NRG3: variants seen among roughly 807,000 people sequenced by gnomAD.
NRG3 encodes the protein neuregulin 3.
In NRG3, 31 loss-of-function variants were observed where a neutral mutation model predicts 66.9. The observed-to-expected ratio is 0.46, with a 90% CI of 0.35 to 0.63. The LOEUF (loss-of-function observed/expected upper bound fraction) is 0.63. Ranked by LOEUF, NRG3 falls within the 20% of genes least tolerant of loss-of-function variation. NRG3 has a pLI of 0.00. For missense variants in NRG3, 910 were observed against 878.9 expected (o/e 1.04, Z -0.45); for synonymous variants, 393 against 359.4 (o/e 1.09, Z -1.06).
chr10:82,435,346 A>G lies in NRG3; in HGVS notation c.953+76478A>G, dbSNP rs181228213. Among the ~76,000 whole-genome samples, 8 of 151,734 alleles carry G rather than the reference A, an allele frequency of 5.3e-5. No homozygotes were observed. The East Asian group carries it at 1.6e-3, about 30-fold the overall frequency. On this transcript the variant is annotated intron_variant, in intron 2 of 8. Transcript: ENST00000372141. ...TGATGCTTCTCTCTTCTTCTTCTTTATTAGTCTAGCTGGCAGTCCATCCAT... is the reference window on the plus strand; with the variant it reads ...TGATGCTTCTCTCTTCTTCTTCTTTGTTAGTCTAGCTGGCAGTCCATCCAT...
At chr10:82,616,037 C>A (rs919992778) in intron 2 of NRG3, among the ~76,000 whole-genome samples, 1 of 152,164 alleles carries the variant, frequency 6.6e-6, no homozygotes, top group East Asian at 1.9e-4. Flanking sequence ...CACACACAGA[C>A]AAACAAAACA....
At chr10:82,136,612 C>G (rs1319998749) in intron 1 of NRG3, among the ~76,000 whole-genome samples, 1 of 152,122 alleles carries the variant, frequency 6.6e-6, no homozygotes, top group Non-Finnish European at 1.5e-5. Flanking sequence ...CCATAGTTAT[C>G]AATGTTCTGG....
At chr10:81,948,358 G>GA (rs551770258) in intron 1 of NRG3, among the ~76,000 whole-genome samples, 5 of 151,922 alleles carry the variant, frequency 3.3e-5, no homozygotes, top group Admixed American at 6.6e-5. Context: ...TTAGATTCCA[G>GA]AAAAAAATGC....
intron 2 of NRG3, among the ~76,000 whole-genome samples, chr10:82,388,463 G>A (rs2086150140): frequency 6.6e-6 from 1 of 152,140 alleles, no homozygotes; most frequent in East Asian, 1.9e-4. Context: ...ATGTGAGACA[G>A]GTAATTTGCT....
intron 5 of NRG3, 121 bp downstream of exon 5, chr10:82,951,692 C>T (rs777221479): frequency 7.0e-5 from 53 of 754,410 alleles, no homozygotes; most frequent in Non-Finnish European, 1.1e-4. Context: ...TAGCAACAAT[C>T]TGCAAGTGAC....
At chr10:81,915,899 C>T (rs1429357866) in intron 1 of NRG3, among the ~76,000 whole-genome samples, 1 of 151,862 alleles carries the variant, frequency 6.6e-6, no homozygotes, top group Non-Finnish European at 1.5e-5. Context: ...GGTACAGGCC[C>T]GTCTCTTGGT....
At chr10:82,409,895 C>T (rs2087923775) in intron 2 of NRG3, among the ~76,000 whole-genome samples, 1 of 152,246 alleles carries the variant, frequency 6.6e-6, no homozygotes, top group African/African-American at 2.4e-5. Context: ...GCCAAAGCAT[C>T]TACATGTGGC....
At chr10:82,658,519 G>T (rs1272494684) in intron 2 of NRG3, among the ~76,000 whole-genome samples, 2 of 151,256 alleles carry the variant, frequency 1.3e-5, no homozygotes, top group African/African-American at 4.9e-5. Flanking sequence ...CTTCTATTCA[G>T]AATTGTGAAT....
rs780957321 is a variant in NRG3, at chr10:82,358,795, G to A, written c.880G>A (p.Asp294Asn). ...GCACTTCAAACCCTGCCGAGACAAG[G>A]ACCTTGCATACTGTCTCAATGATGG... The part of the protein sequence containing the change: ...SEHFKPCRDK[D>N]LAYCLNDGEC... The change falls in exon 2 of 9, where the codon GAC (aspartate) becomes AAC (asparagine). Residue 294 changes from aspartate to asparagine, a missense_variant. Coordinates refer to ENST00000372141, the MANE Select transcript of NRG3 (RefSeq NM_001010848.4). 3 of 1,614,160 alleles carry A rather than the reference G, an allele frequency of 1.9e-6. No homozygotes were observed. The highest frequency in any genetic ancestry group is 2.5e-6 in the Non-Finnish European group (3 of 1,180,028).
chr10:82,199,873 CATGTGTGTGTGTGTGCGTGTGTGTGTGT>C (rs1243167589), intron 1 of NRG3, among the ~76,000 whole-genome samples: 1 of 109,464 alleles, frequency 9.1e-6, no homozygotes, highest in Non-Finnish European at 1.9e-5. Context: ...TGAGAGTGTG[CATGTGTGTGTGTGTGCGTGTGTGTGTGT>C]GTGTGTGTGT....
intron 2 of NRG3, among the ~76,000 whole-genome samples, chr10:82,486,184 T>A (rs867971163): frequency 3.3e-5 from 5 of 152,110 alleles, no homozygotes; most frequent in African/African-American, 1.2e-4. Context: ...TGTGGAGAAA[T>A]TGGAACCCTT....
chr10:82,819,489 C>T (rs562123435), intron 3 of NRG3, among the ~76,000 whole-genome samples: 12 of 152,260 alleles, frequency 7.9e-5, no homozygotes, highest in Admixed American at 1.3e-4. Flanking sequence ...TGTAACCTTG[C>T]GCCAATGACT....
chr10:82,872,958 G>A (rs560789094), intron 4 of NRG3, among the ~76,000 whole-genome samples: 7 of 152,124 alleles, frequency 4.6e-5, no homozygotes, highest in African/African-American at 1.2e-4. Flanking sequence ...CTTTAGGACC[G>A]GAAAGAGGAT....
chr10:82,610,223 G>A (rs1028053648), intron 2 of NRG3, among the ~76,000 whole-genome samples: 10 of 152,102 alleles, frequency 6.6e-5, no homozygotes, highest in Non-Finnish European at 1.2e-4. Flanking sequence ...CAGTAAAAGC[G>A]TAGACTTTTA....
intron 2 of NRG3, among the ~76,000 whole-genome samples, chr10:82,560,663 A>G (rs560507560): frequency 6.6e-6 from 1 of 151,294 alleles, no homozygotes; most frequent in South Asian, 2.1e-4. Flanking sequence ...TTATGTAACT[A>G]TAGTATTAAT....
At chr10:82,318,706 C>CTTCT (rs1421015107) in intron 1 of NRG3, among the ~76,000 whole-genome samples, 1 of 152,216 alleles carries the variant, frequency 6.6e-6, no homozygotes, top group Non-Finnish European at 1.5e-5. Context: ...TGTCACCACT[C>CTTCT]TTCTCACTGT....
chr10:82,080,375 G>A (rs1256455528), intron 1 of NRG3, among the ~76,000 whole-genome samples: 1 of 152,126 alleles, frequency 6.6e-6, no homozygotes, highest in Non-Finnish European at 1.5e-5. Flanking sequence ...TGGCTGGGGG[G>A]ACGGAAAGGA....
chr10:82,051,413 C>A (rs12761167), intron 1 of NRG3, among the ~76,000 whole-genome samples: 36,433 of 151,878 alleles, frequency 0.24, 4,486 homozygotes, highest in Middle Eastern at 0.33. Flanking sequence ...GTCTCTGATC[C>A]CGTGAGGATG....
intron 2 of NRG3, among the ~76,000 whole-genome samples, chr10:82,564,787 T>C (rs1416246214): frequency 2.6e-5 from 4 of 152,156 alleles, no homozygotes; most frequent in African/African-American, 9.6e-5. Flanking sequence ...AATTATTTCT[T>C]TGTCGTGAGA....
Sources: gnomAD v4.1 joint callset for allele counts (sites outside exome capture counted in the v4.1 genomes callset) on GRCh38, gnomAD v4.1.1 for gene constraint, MANE v1.5 for transcripts, NCBI Gene and HGNC (gene_info 2026-07-23, HGNC 2026-07-21) for gene names.